ARHGAP42: variants seen among roughly 807,000 people sequenced by gnomAD.
ARHGAP42 encodes rho GTPase-activating protein 42.
Under a neutral mutation model 125.0 loss-of-function variants are expected in ARHGAP42, and 63 were observed. That is an observed-to-expected ratio of 0.50 (90% CI 0.41 to 0.62). The LOEUF is 0.62. Ranked by LOEUF, ARHGAP42 falls within the 20% of genes least tolerant of loss-of-function variation. The pLI, the probability that ARHGAP42 is intolerant of heterozygous loss-of-function variation, is 0.00. For synonymous variants in ARHGAP42, 339 were observed against 351.0 expected, an observed-to-expected ratio of 0.97 and a Z score of 0.38; for missense variants, 766 against 1,024.2, an observed-to-expected ratio of 0.75 and a Z score of 3.44.
At chr11:100,908,806 C>A (rs1203152836) in intron 4 of ARHGAP42, among the ~76,000 whole-genome samples, 1 of 152,122 alleles carries the variant, frequency 6.6e-6, no homozygotes, top group Non-Finnish European at 1.5e-5. Flanking sequence ...ATTCTTAGTT[C>A]TTTGCAAAAC....
In ARHGAP42 at chr11:100,954,766, A is replaced by C. The variant is rs2509106; in HGVS notation, c.1162+4810A>C. ...ATGGGCAGAGCAGAATGAAAGAAGA[A>C]TTTGGGCCAGGGCTATGGAGAGTTA... On this transcript the variant is annotated intron_variant, in intron 12 of 23. Coordinates refer to ENST00000298815, the MANE Select transcript of ARHGAP42 (RefSeq NM_152432.4). Among the ~76,000 whole-genome samples the C allele has an allele frequency of 5.2e-3, 795 of 151,890 alleles. 7 individuals are homozygous for C. The highest frequency in any genetic ancestry group is 6.9e-3 in the Non-Finnish European group (469 of 67,890).
chr11:100,812,631 T>C (rs1377008087), intron 3 of ARHGAP42, among the ~76,000 whole-genome samples: 1 of 152,162 alleles, frequency 6.6e-6, no homozygotes, highest in African/African-American at 2.4e-5. Flanking sequence ...GAAGTCAGTC[T>C]TACAACTCTC....
At chr11:100,950,775 A>G (rs953677496) in intron 12 of ARHGAP42, among the ~76,000 whole-genome samples, 1 of 152,206 alleles carries the variant, frequency 6.6e-6, no homozygotes, top group Non-Finnish European at 1.5e-5. Context: ...TATAACTTTG[A>G]AAGCAATTCC....
chr11:100,992,629 T>C lies in ARHGAP42; in HGVS notation c.*3828T>C. 6.2e-7 allele frequency: 1 copy of C among 1,613,488 alleles called. No individual in the cohort carries two copies. Among genetic ancestry groups the C allele is most frequent in the Non-Finnish European group, 8.5e-7 (1 of 1,179,750 alleles). On this transcript the variant is annotated 3_prime_UTR_variant, in exon 24 of 24. Transcript: ENST00000298815. ...TCACTGTATCCCTCATTGTCACCGT[T>C]ATCCCCCTGCTTCAAAATGTGCCAG... is the stretch of plus-strand genomic sequence containing the variant.
intron 3 of ARHGAP42, among the ~76,000 whole-genome samples, chr11:100,837,685 T>TTTTTTTTTTTTTTTTTTTTTTTTA: frequency 7.6e-6 from 1 of 131,424 alleles, no homozygotes; most frequent in Non-Finnish European, 1.6e-5. Flanking sequence ...TTTTTTTTTT[T>TTTTTTTTTTTTTTTTTTTTTTTTA]TTTTTTTTTT....
In ARHGAP42 at chr11:100,932,264, C is replaced by T. The variant is rs116735345; in HGVS notation, c.598-892C>T. Reference sequence around the variant, plus strand: ...AAAATGGTTTCAAATTGTGTTTCTTCCTTAATTTAAAATAATAAGTTACAG... The same window carrying T: ...AAAATGGTTTCAAATTGTGTTTCTTTCTTAATTTAAAATAATAAGTTACAG... On this transcript the variant is annotated intron_variant, in intron 6 of 23. Coordinates refer to ENST00000298815, the MANE Select transcript of ARHGAP42 (RefSeq NM_152432.4). 3.2e-3 allele frequency among the ~76,000 whole-genome samples: 482 copies of T among 152,120 alleles called. 3 individuals are homozygous for T. The highest frequency in any genetic ancestry group is 0.011 in the African/African-American group (462 of 41,512).
chr11:100,757,074 G>A (rs923628262), intron 1 of ARHGAP42, among the ~76,000 whole-genome samples: 1 of 152,140 alleles, frequency 6.6e-6, no homozygotes, highest in Non-Finnish European at 1.5e-5. Flanking sequence ...TACATTGGCA[G>A]TTAAAATAGT....
chr11:100,972,001 T>A (rs745486239), intron 17 of ARHGAP42, among the ~76,000 whole-genome samples: 1 of 152,204 alleles, frequency 6.6e-6, no homozygotes, highest in African/African-American at 2.4e-5. Flanking sequence ...TATTTGATTA[T>A]ATTAAAAGGA....
chr11:100,872,289 C>A (rs1865715699), intron 4 of ARHGAP42, among the ~76,000 whole-genome samples: 1 of 152,084 alleles, frequency 6.6e-6, no homozygotes, highest in Non-Finnish European at 1.5e-5. Flanking sequence ...CTCAGCAGCC[C>A]CTTAAGGAAC....
chr11:100,788,641 A>G (rs1863491181), intron 2 of ARHGAP42, among the ~76,000 whole-genome samples: 1 of 152,236 alleles, frequency 6.6e-6, no homozygotes, highest in African/African-American at 2.4e-5. Context: ...GTGGTTGCAG[A>G]TAAAACCAAT....
chr11:100,927,942 T>C (rs922607262), intron 6 of ARHGAP42, among the ~76,000 whole-genome samples: 1 of 152,252 alleles, frequency 6.6e-6, no homozygotes, highest in Non-Finnish European at 1.5e-5. Flanking sequence ...GCTCTCTTTT[T>C]ATCTTCAAGT....
chr11:100,692,125 T>C (rs192253077), intron 1 of ARHGAP42, among the ~76,000 whole-genome samples: 1 of 152,342 alleles, frequency 6.6e-6, no homozygotes, highest in East Asian at 1.9e-4. Context: ...CTTTCTTCCT[T>C]ATTTCAGTCT....
At chr11:100,785,135 G>A (rs1251827059) in intron 2 of ARHGAP42, among the ~76,000 whole-genome samples, 3 of 152,014 alleles carry the variant, frequency 2.0e-5, no homozygotes, top group Non-Finnish European at 4.4e-5. Context: ...TAACAGAGAG[G>A]GAAAGAGAGA....
chr11:100,739,120 CTTCTGTTCAAGTTATCT>C (rs983184809), intron 1 of ARHGAP42, among the ~76,000 whole-genome samples: 3 of 152,002 alleles, frequency 2.0e-5, no homozygotes, highest in African/African-American at 7.2e-5. Flanking sequence ...TGGCTTTTTT[CTTCTGTTCAAGTTATCT>C]TAGAGTCTTT....
chr11:100,899,309 G>A (rs112552058), intron 4 of ARHGAP42, among the ~76,000 whole-genome samples: 2,313 of 152,276 alleles, frequency 0.015, 59 homozygotes, highest in African/African-American at 0.052. Flanking sequence ...TGAGAAGAAC[G>A]AATATTCTGT....
At chr11:100,978,191 C>G (rs1039828481) in intron 21 of ARHGAP42, among the ~76,000 whole-genome samples, 1 of 151,862 alleles carries the variant, frequency 6.6e-6, no homozygotes, top group Non-Finnish European at 1.5e-5. Flanking sequence ...TGTGATTGTA[C>G]CCATAAAGTA....
chr11:100,969,951 TTCTC>T (rs895167858), intron 17 of ARHGAP42, among the ~76,000 whole-genome samples: 1 of 152,100 alleles, frequency 6.6e-6, no homozygotes, highest in South Asian at 2.1e-4. Context: ...CTAGTACTGA[TTCTC>T]TCTAGCTTTT....
intron 3 of ARHGAP42, among the ~76,000 whole-genome samples, chr11:100,856,067 A>T (rs1168109169): frequency 5.9e-5 from 9 of 152,046 alleles, no homozygotes; most frequent in African/African-American, 7.2e-5. Context: ...ATACTGTGGG[A>T]TCCTGAATCT....
At chr11:100,696,139 G>A (rs1462674069) in intron 1 of ARHGAP42, among the ~76,000 whole-genome samples, 3 of 152,006 alleles carry the variant, frequency 2.0e-5, no homozygotes, top group East Asian at 1.9e-4. Flanking sequence ...TGGGAAGAGC[G>A]ATTGAAGATC....
Sources: allele counts gnomAD v4.1 joint callset (sites outside exome capture counted in the v4.1 genomes callset), GRCh38; gene constraint gnomAD v4.1.1; transcripts MANE v1.5; gene names NCBI Gene and HGNC (gene_info 2026-07-23, HGNC 2026-07-21).